Variants in WDR64 observed in about 807,000 individuals in gnomAD.
WDR64 encodes WD repeat domain 64.
Under a neutral mutation model 139.3 loss-of-function variants are expected in WDR64, and 112 were observed. The ratio of observed to expected loss-of-function variants is 0.80; its 90% CI spans 0.69 to 0.94. The LOEUF (loss-of-function observed/expected upper bound fraction) is 0.94, where lower values mean the gene tolerates loss of function less well. WDR64 is among the 40% of genes least tolerant of loss of function. WDR64 has a pLI of 0.00. For synonymous variants in WDR64, 444 were observed against 437.7 expected, an observed-to-expected ratio of 1.01 and a Z score of -0.18; for missense variants, 1,206 against 1,293.1, an observed-to-expected ratio of 0.93 and a Z score of 1.03.
chr1:241,789,525 C>T (rs1361900764), intron 24 of WDR64, among the ~76,000 whole-genome samples: 1 of 152,166 alleles, frequency 6.6e-6, no homozygotes, highest in African/African-American at 2.4e-5. Flanking sequence ...GGTACATATA[C>T]ACCACGAAAT....
intron 8 of WDR64, among the ~76,000 whole-genome samples, chr1:241,702,854 A>C (rs1466840278): frequency 6.6e-6 from 1 of 152,224 alleles, no homozygotes; most frequent in Non-Finnish European, 1.5e-5. Context: ...GATTGTTTTC[A>C]TGCTACAGTG....
At chr1:241,681,160 TA>T (rs1666775320) in intron 6 of WDR64, among the ~76,000 whole-genome samples, 1 of 152,120 alleles carries the variant, frequency 6.6e-6, no homozygotes, top group African/African-American at 2.4e-5. Flanking sequence ...GAACAGGTGG[TA>T]TTTGGTTACA....
rs1463585789 is a variant in WDR64 at position 241,801,373 on chromosome 1, G to A, written c.*158G>A. Reference sequence around the variant, plus strand: ...TGGGAAAGATTGCTTAGGGAGTTCTGGTGACCTTAACTCTGAATACCAAGC... The same window carrying A: ...TGGGAAAGATTGCTTAGGGAGTTCTAGTGACCTTAACTCTGAATACCAAGC... On this transcript the variant is annotated 3_prime_UTR_variant, in exon 28 of 28. Coordinates refer to ENST00000437684, the MANE Select transcript of WDR64 (RefSeq NM_001367482.1). The A allele has an allele frequency of 3.3e-6, 2 of 613,012 alleles. No homozygotes were observed. Among genetic ancestry groups the A allele is most frequent in the East Asian group, 5.5e-5 (2 of 36,278 alleles). 38.0% of individuals were successfully genotyped at this position (613,012 alleles called of 1,614,324 possible).
intron 14 of WDR64, 38 bp downstream of exon 14, chr1:241,749,760 C>T (rs78674179): frequency 1.3e-6 from 2 of 1,597,520 alleles, no homozygotes; most frequent in Admixed American, 1.7e-5. Context: ...TGCAGGTGCC[C>T]TTTTTGGGAA....
At chr1:241,700,902 G>C (rs74763665) in intron 8 of WDR64, among the ~76,000 whole-genome samples, 2 of 152,208 alleles carry the variant, frequency 1.3e-5, no homozygotes, top group East Asian at 3.9e-4. Context: ...TTTGATTTCC[G>C]TGTGCTGTCA....
At chr1:241,683,313 C>A (rs527527074) in intron 6 of WDR64, among the ~76,000 whole-genome samples, 174 bp from the exon 7 acceptor site, 1 of 152,116 alleles carries the variant, frequency 6.6e-6, no homozygotes, top group Admixed American at 6.6e-5. Flanking sequence ...GGGCTCACAG[C>A]GAGTGTTCTG....
At chr1:241,723,261 A>G (rs771294294) in intron 9 of WDR64, 36 bp from the exon 10 acceptor site, 2 of 1,611,930 alleles carry the variant, frequency 1.2e-6, no homozygotes, top group Non-Finnish European at 8.5e-7. Flanking sequence ...TGACCACCTC[A>G]GAAAACCAAC....
chr1:241,793,158 A>C (rs111781896), intron 25 of WDR64, among the ~76,000 whole-genome samples: 2 of 152,282 alleles, frequency 1.3e-5, no homozygotes, highest in African/African-American at 2.4e-5. Context: ...TTTATGTAAC[A>C]GTCAAAAATA....
intron 12 of WDR64, among the ~76,000 whole-genome samples, chr1:241,744,083 A>G (rs1459505341): frequency 1.3e-5 from 2 of 152,152 alleles, no homozygotes; most frequent in African/African-American, 4.8e-5. Context: ...TGAGCTTGCA[A>G]TTGTTCCATT....
In WDR64 at chr1:241,772,823, A is replaced by G; in HGVS notation, c.2322A>G (p.Gln774=). ...AAACAGATGTAATGGTGGGAAAGCA[A>G]CAGCCAATGGACAAAAAACACCCTG... ...GEQTDVMVGK[Q]QPMDKKHPGI... Residue 774 remains glutamine, a synonymous_variant, in exon 20 of 28, where the codon CAA becomes CAG. Coordinates refer to ENST00000437684, the MANE Select transcript of WDR64 (RefSeq NM_001367482.1). 3.9e-6 allele frequency: 6 copies of G among 1,551,828 alleles called. No individual in the cohort carries two copies. The highest frequency in any genetic ancestry group is 2.4e-5 in the East Asian group (1 of 40,914).
intron 23 of WDR64, 76 bp from the exon 24 acceptor site, chr1:241,787,773 A>T (rs773162202): frequency 2.3e-4 from 308 of 1,322,020 alleles, no homozygotes; most frequent in Non-Finnish European, 2.9e-4. Flanking sequence ...TAATTTACAT[A>T]AACGATCTAA....
chr1:241,676,035 C>G (rs1041989363), intron 4 of WDR64: 8 of 152,094 alleles, frequency 5.3e-5, no homozygotes, highest in Non-Finnish European at 4.4e-5. Flanking sequence ...AAGTAAAATA[C>G]CTTTGAAATA....
chr1:241,774,692 C>T (rs942758264), intron 20 of WDR64, among the ~76,000 whole-genome samples: 5 of 151,878 alleles, frequency 3.3e-5, no homozygotes, highest in African/African-American at 1.2e-4. Context: ...AAGTGTGTCT[C>T]CCTTCTGAAA....
intron 1 of WDR64, among the ~76,000 whole-genome samples, chr1:241,658,638 C>CA (rs56278786): frequency 0.012 from 997 of 83,522 alleles, 5 homozygotes; most frequent in African/African-American, 0.029. Context: ...GATCCTGTCT[C>CA]AAAAAAAAAA....
At position 241,802,102 on chromosome 1, in the gene WDR64, A is replaced by G. The variant is rs1659542834; in HGVS notation, c.*887A>G. On this transcript the variant is annotated 3_prime_UTR_variant, in exon 28 of 28. Transcript: ENST00000437684. ...AGAAAATAAACAAGAATCTTTATAAAAGTTTTATAAAGTTATTAATAATAA... is the reference window on the plus strand; with the variant it reads ...AGAAAATAAACAAGAATCTTTATAAGAGTTTTATAAAGTTATTAATAATAA... 2 of 397,884 alleles carry G rather than the reference A, an allele frequency of 5.0e-6. No homozygotes were observed. Among genetic ancestry groups the G allele is most frequent in the South Asian group, 2.5e-4 (2 of 7,846 alleles). The allele number at this position is 397,884 out of a possible 1,614,324, so 24.6% of individuals were successfully genotyped here.
At chr1:241,699,199 T>G (rs939618462) in intron 8 of WDR64, among the ~76,000 whole-genome samples, 1 of 152,160 alleles carries the variant, frequency 6.6e-6, no homozygotes, top group African/African-American at 2.4e-5. Context: ...GCCTCAATTT[T>G]TATTTATTGC....
At chr1:241,736,017 C>T (rs896947869) in intron 10 of WDR64, among the ~76,000 whole-genome samples, 2 of 152,058 alleles carry the variant, frequency 1.3e-5, no homozygotes, top group African/African-American at 4.8e-5. Context: ...AGTGATGTGC[C>T]CTACCCTCAC....
At chr1:241,765,522 C>T (rs536688123) in intron 15 of WDR64, among the ~76,000 whole-genome samples, 61 of 152,218 alleles carry the variant, frequency 4.0e-4, no homozygotes, top group Admixed American at 7.8e-4. Context: ...GAGTCAAGGA[C>T]GTCAGGAGAG....
chr1:241,738,593 G>T lies in WDR64; in HGVS notation c.1321+104G>T. Reference sequence around the variant, plus strand: ...ACTACAAGGAAAACAAAACTAGAAGGGTAATTTATCAAACCATGATTCGTG... The same window carrying T: ...ACTACAAGGAAAACAAAACTAGAAGTGTAATTTATCAAACCATGATTCGTG... On this transcript the variant is annotated intron_variant, in intron 11 of 27. Transcript: ENST00000437684. The T allele has an allele frequency of 7.6e-6, 9 of 1,183,740 alleles. No individual in the cohort carries two copies. The South Asian group carries it at 9.2e-5, about 12-fold the overall frequency. 73.3% of individuals were successfully genotyped at this position (1,183,740 alleles called of 1,614,324 possible). A position where few individuals can be genotyped will look rare whatever the true frequency, so the allele number is the denominator to read the frequency against.
Sources: allele counts gnomAD v4.1 joint callset (sites outside exome capture counted in the v4.1 genomes callset), GRCh38; gene constraint gnomAD v4.1.1; transcripts MANE v1.5; gene names NCBI Gene and HGNC (gene_info 2026-07-23, HGNC 2026-07-21).